Variants in COXFA4 observed in about 807,000 individuals in gnomAD.
The protein encoded by COXFA4 is cytochrome c oxidase associated subunit FA4.
the COXFA4 span, chr7:10,933,348 G>C: frequency 2.7e-6 from 1 of 370,006 alleles, no homozygotes; most frequent in Non-Finnish European, 4.9e-6. Flanking sequence ...GCAGCTTAAA[G>C]TCGTATTTTC....
chr7:10,933,784 T>C, the COXFA4 span: 2 of 868,760 alleles, frequency 2.3e-6, no homozygotes, highest in South Asian at 1.5e-5. Flanking sequence ...TTTTCTACAG[T>C]AACAATTACA....
At chr7:10,932,576 A>T in the COXFA4 span, 1 of 152,240 alleles carries the variant, frequency 6.6e-6, no homozygotes, top group Non-Finnish European at 1.5e-5. Flanking sequence ...ATGTCACTGA[A>T]TTCCTCAAGT....
At chr7:10,935,703 T>C in the COXFA4 span, among the ~76,000 whole-genome samples, 2 of 152,174 alleles carry the variant, frequency 1.3e-5, no homozygotes, top group Non-Finnish European at 2.9e-5. Flanking sequence ...GGAACAGAAT[T>C]GGTTGGCACC....
At chr7:10,936,792 T>TG in the COXFA4 span, among the ~76,000 whole-genome samples, 3 of 152,106 alleles carry the variant, frequency 2.0e-5, no homozygotes, top group Non-Finnish European at 4.4e-5. Context: ...ATACCAGCAC[T>TG]GGGGGGTTGA....
the COXFA4 span, among the ~76,000 whole-genome samples, chr7:10,934,049 G>A: frequency 2.0e-5 from 3 of 152,040 alleles, no homozygotes; most frequent in African/African-American, 4.8e-5. Context: ...TACTAAGTAC[G>A]TGGAAGAATC....
chr7:10,938,902 C>G, the COXFA4 span: 2 of 1,606,742 alleles, frequency 1.2e-6, no homozygotes, highest in Non-Finnish European at 1.7e-6. Context: ...ATCAACTAAA[C>G]CAAACACAAA....
chr7:10,939,384 A>G, the COXFA4 span: 1 of 182,108 alleles, frequency 5.5e-6, no homozygotes, highest in Non-Finnish European at 1.2e-5. Context: ...CTGAAAACGT[A>G]ATGCTACCAA....
the COXFA4 span, chr7:10,937,815 T>C: frequency 7.2e-6 from 3 of 416,066 alleles, no homozygotes; most frequent in Non-Finnish European, 1.3e-5. Flanking sequence ...ATAATGAAGT[T>C]TGAGAACACT....
At chr7:10,939,607 T>A in the COXFA4 span, 1 of 190,686 alleles carries the variant, frequency 5.2e-6, no homozygotes, top group Admixed American at 5.3e-5. Context: ...AAAGGCCTGG[T>A]GGTGCAATGC....
the COXFA4 span, chr7:10,938,109 C>G: frequency 6.2e-7 from 1 of 1,613,228 alleles, no homozygotes; most frequent in East Asian, 2.2e-5. Context: ...ATCATTGGGA[C>G]CCAGTTTGTT....
At chr7:10,938,730 G>A in the COXFA4 span, 1 of 989,872 alleles carries the variant, frequency 1.0e-6, no homozygotes, top group Non-Finnish European at 1.6e-6. Flanking sequence ...CTACCCTAAT[G>A]TTATCGCCCT....
At chr7:10,938,514 C>T in the COXFA4 span, 2 of 422,200 alleles carry the variant, frequency 4.7e-6, no homozygotes, top group South Asian at 6.1e-5. Context: ...TTACATGTGC[C>T]GAGAACCATG....
At chr7:10,938,033 T>C in the COXFA4 span, 4 of 1,474,312 alleles carry the variant, frequency 2.7e-6, no homozygotes, top group African/African-American at 4.2e-5. Context: ...ACCCACCCCA[T>C]GACAAAACTT....
At chr7:10,938,740 T>A in the COXFA4 span, 17 of 1,114,446 alleles carry the variant, frequency 1.5e-5, no homozygotes, top group Admixed American at 2.2e-4. Flanking sequence ...GTTATCGCCC[T>A]ACAGAGACTG....
At chr7:10,939,759 C>A in the COXFA4 span, 2 of 554,742 alleles carry the variant, frequency 3.6e-6, no homozygotes, top group Non-Finnish European at 3.2e-6. Context: ...TTCCAATATT[C>A]ACTAACTAGA....
At chr7:10,937,720 A>G in the COXFA4 span, 1 of 233,890 alleles carries the variant, frequency 4.3e-6, no homozygotes, top group East Asian at 1.0e-4. Context: ...AGACTACTCT[A>G]AATTCTCATG....
the COXFA4 span, among the ~76,000 whole-genome samples, chr7:10,934,883 A>G: frequency 6.6e-6 from 1 of 152,234 alleles, no homozygotes; most frequent in East Asian, 1.9e-4. Context: ...CAATTAACCT[A>G]GACAATAAGG....
the COXFA4 span, chr7:10,933,781 C>T: frequency 1.1e-6 from 1 of 906,074 alleles, no homozygotes. Context: ...TGGTTTTCTA[C>T]AGTAACAATT....
the COXFA4 span, among the ~76,000 whole-genome samples, chr7:10,934,093 T>C: frequency 2.0e-5 from 3 of 152,146 alleles, no homozygotes; most frequent in Non-Finnish European, 4.4e-5. Flanking sequence ...AGAATTACCT[T>C]CCCTACTTGC....
Sources: gnomAD v4.1 joint callset for allele counts (sites outside exome capture counted in the v4.1 genomes callset) on GRCh38, gnomAD v4.1.1 for gene constraint, MANE v1.5 for transcripts, NCBI Gene and HGNC (gene_info 2026-07-23, HGNC 2026-07-21) for gene names.